PDZK1: variants seen among roughly 807,000 people sequenced by gnomAD.
PDZK1 encodes PDZ domain containing 1.
Under a neutral mutation model 38.1 loss-of-function variants are expected in PDZK1, and 23 were observed. The ratio of observed to expected loss-of-function variants is 0.60; its 90% CI spans 0.43 to 0.85. The LOEUF is 0.85. Ranked by LOEUF, PDZK1 falls within the 40% of genes least tolerant of loss-of-function variation. PDZK1 has a pLI of 0.00. For synonymous variants in PDZK1, 98 were observed against 186.2 expected (o/e 0.53, Z 3.86); for missense variants, 297 against 504.3 (o/e 0.59, Z 3.94).
rs587597215 is a variant in PDZK1, at chr1:145,680,352, G to A, written c.793+560C>T. On this transcript the variant is annotated intron_variant, in intron 5 of 8. Coordinates refer to ENST00000417171, the MANE Select transcript of PDZK1 (RefSeq NM_001201325.2). ...CTTATGGGCGAATAGCAGTTTATAC[G>A]GCCCGAACTCATGTTCTTTTATGTA... 1.1e-4 allele frequency among the ~76,000 whole-genome samples: 16 copies of A among 152,190 alleles called. No homozygotes were observed. In the East Asian group the frequency reaches 2.3e-3, roughly 22 times the overall value.
intron 5 of PDZK1, among the ~76,000 whole-genome samples, chr1:145,680,326 A>G (rs1465229861): frequency 1.3e-5 from 2 of 152,090 alleles, no homozygotes; most frequent in African/African-American, 2.4e-5. Flanking sequence ...GAAAATAACA[A>G]CTTATGGGCG....
chr1:145,686,383 A>G (rs1571608641), intron 3 of PDZK1, 94 bp downstream of exon 3: 4 of 1,521,988 alleles, frequency 2.6e-6, no homozygotes, highest in African/African-American at 1.4e-5. Context: ...AGTCAGTCAA[A>G]GAAGAAAAGT....
Position 145,672,755 on chromosome 1 carries a change from T to C in PDZK1, c.1481A>G (p.His494Arg), listed in dbSNP as rs782622130. 2.5e-6 allele frequency: 4 copies of C among 1,611,916 alleles called. No individual in the cohort carries two copies. The East Asian group carries it at 6.7e-5, about 27-fold the overall frequency. The stretch of plus-strand genomic sequence containing the variant: ...CCGTTCTTTTGCCATGTGCGAGTCA[T>C]GGTTTGACTCCACCACTATTCCTTC... ...SKEGIVVESN[H>R]DSHMAKERAH... The change falls in exon 8 of 9, where the codon CAT becomes CGT. Residue 494 changes from histidine (H) to arginine (R), a missense_variant. By Grantham distance (29) the His-to-Arg change is conservative (BLOSUM62 0). Around this residue, in one of 5 missense-constraint regions of PDZK1, gnomAD observed 54 missense variants for 72.1 expected, o/e 0.75. Coordinates refer to ENST00000417171, the MANE Select transcript of PDZK1 (RefSeq NM_001201325.2).
intron 2 of PDZK1, among the ~76,000 whole-genome samples, chr1:145,687,524 CA>C (rs11420111): frequency 0.44 from 28,629 of 65,118 alleles, 3,249 homozygotes; most frequent in African/African-American, 0.53. Flanking sequence ...AACTCCATCT[CA>C]AAAAAAAAAA....
chr1:145,679,169 T>C (rs78820248), intron 5 of PDZK1, among the ~76,000 whole-genome samples: 1 of 129,572 alleles, frequency 7.7e-6, no homozygotes, highest in Non-Finnish European at 1.6e-5. Context: ...AGATGCTGCC[T>C]TTTTTTTTTT....
At chr1:145,678,987 G>A (rs1232806886) in intron 5 of PDZK1, among the ~76,000 whole-genome samples, 10 of 151,258 alleles carry the variant, frequency 6.6e-5, no homozygotes, top group South Asian at 2.1e-4. Context: ...TTGTAGCCAC[G>A]CGTCTTATGT....
intron 1 of PDZK1, among the ~76,000 whole-genome samples, chr1:145,701,337 C>T (rs1167679743): frequency 1.3e-5 from 2 of 150,846 alleles, no homozygotes; most frequent in African/African-American, 4.9e-5. Context: ...TTTGTTGAGG[C>T]ATAAGGAAAA....
At chr1:145,676,475 C>A (rs587707568) in intron 6 of PDZK1, among the ~76,000 whole-genome samples, 2 of 151,806 alleles carry the variant, frequency 1.3e-5, no homozygotes, top group African/African-American at 4.8e-5. Context: ...TTGGCTTATA[C>A]CTGTAATCCC....
intron 3 of PDZK1, among the ~76,000 whole-genome samples, chr1:145,684,124 GA>G (rs1170009223): frequency 6.6e-6 from 1 of 151,172 alleles, no homozygotes; most frequent in African/African-American, 2.4e-5. Flanking sequence ...TAGGATTACA[GA>G]TATGAGCCAC....
intron 3 of PDZK1, among the ~76,000 whole-genome samples, chr1:145,683,078 C>T (rs1210227767): frequency 6.6e-6 from 1 of 152,182 alleles, no homozygotes; most frequent in African/African-American, 2.4e-5. Flanking sequence ...TTTGCATACA[C>T]CACCCTTTCA....
chr1:145,672,099 A>C (rs1653123810), intron 8 of PDZK1, among the ~76,000 whole-genome samples: 1 of 152,242 alleles, frequency 6.6e-6, no homozygotes. Flanking sequence ...AAGTTCATCT[A>C]TGAAAAATTG....
In PDZK1 at chr1:145,682,903, T is replaced by A. The variant is rs1363808650; in HGVS notation, c.461-267A>T. Among the ~76,000 whole-genome samples the A allele has an allele frequency of 3.3e-5, 5 of 152,214 alleles. No individual in the cohort carries two copies. In the East Asian group the frequency reaches 7.7e-4, roughly 23 times the overall value. ...ACATATACCCTTTCCCTATGGTATA[T>A]CAGCCTTGGGTCTGGGGAGTAACAC... On this transcript the variant is annotated intron_variant, in intron 3 of 8. Coordinates refer to ENST00000417171, the MANE Select transcript of PDZK1 (RefSeq NM_001201325.2).
intron 1 of PDZK1, among the ~76,000 whole-genome samples, chr1:145,688,658 A>G (rs1471267020): frequency 1.3e-5 from 2 of 152,090 alleles, no homozygotes. Flanking sequence ...CAGGACAAGG[A>G]AGAGCTTAAA....
At chr1:145,695,756 T>C (rs1237591988) in intron 1 of PDZK1, among the ~76,000 whole-genome samples, 1 of 152,060 alleles carries the variant, frequency 6.6e-6, no homozygotes, top group African/African-American at 2.4e-5. Context: ...GTCAAAATCC[T>C]ACTCACACGT....
intron 5 of PDZK1, among the ~76,000 whole-genome samples, chr1:145,679,731 G>C (rs1260413091): frequency 1.3e-5 from 2 of 152,096 alleles, no homozygotes; most frequent in Non-Finnish European, 2.9e-5. Flanking sequence ...GAGTAATTGA[G>C]ATGTGCAAAG....
intron 4 of PDZK1, among the ~76,000 whole-genome samples, chr1:145,681,371 C>T (rs1234314468): frequency 6.7e-6 from 1 of 148,464 alleles, no homozygotes; most frequent in East Asian, 1.9e-4. Flanking sequence ...CAAGCTCTGC[C>T]TCCCGGGTTC....
chr1:145,685,088 G>A (rs1654634227), intron 3 of PDZK1, among the ~76,000 whole-genome samples: 1 of 152,076 alleles, frequency 6.6e-6, no homozygotes, highest in Non-Finnish European at 1.5e-5. Context: ...GGGCAGGACA[G>A]CACAAGATTT....
chr1:145,671,817 T>TAAGACTAGGATATTGACTTCC (rs59636663), intron 8 of PDZK1, among the ~76,000 whole-genome samples: 2,932 of 152,226 alleles, frequency 0.019, 41 homozygotes, highest in South Asian at 0.028. Context: ...TTCTTTTTTA[T>TAAGACTAGGATATTGACTTCC]AAGACTAGGA....
chr1:145,697,536 T>C (rs587709884), intron 1 of PDZK1, among the ~76,000 whole-genome samples: 7 of 152,052 alleles, frequency 4.6e-5, no homozygotes, highest in Middle Eastern at 6.8e-3. Context: ...ATTCAGAAAA[T>C]GGAAGTCTGG....
Sources: gnomAD v4.1 joint callset for allele counts (sites outside exome capture counted in the v4.1 genomes callset) on GRCh38, gnomAD v4.1.1 for gene constraint, gnomAD v4.1.1 regional missense constraint, MANE v1.5 for transcripts, NCBI Gene and HGNC (gene_info 2026-07-23, HGNC 2026-07-21) for gene names.